The following ROBO2 variants were observed in gnomAD, a reference collection of about 807,000 sequenced individuals.
ROBO2 encodes the protein roundabout homolog 2.
In ROBO2, 53 loss-of-function variants were observed where a neutral mutation model predicts 160.8. The observed-to-expected ratio is 0.33, with a 90% confidence interval of 0.26 to 0.41. ROBO2 has a LOEUF of 0.41. Among genes scored for constraint, ROBO2 ranks in the 10% least tolerant of loss-of-function variants. ROBO2 has a pLI of 1.00. For synonymous variants in ROBO2, 664 were observed against 611.7 expected (o/e 1.09, Z -1.26); for missense variants, 1,577 against 1,722.4 (o/e 0.92, Z 1.49).
At chr3:77,003,189 T>G (rs2061414554) in intron 2 of ROBO2, among the ~76,000 whole-genome samples, 2 of 152,320 alleles carry the variant, frequency 1.3e-5, no homozygotes, top group South Asian at 4.1e-4. Flanking sequence ...ATAACCTTCA[T>G]GAAATAAGAA....
intron 2 of ROBO2, among the ~76,000 whole-genome samples, chr3:76,002,123 G>A (rs1381388498): frequency 1.3e-5 from 2 of 152,178 alleles, no homozygotes; most frequent in Admixed American, 6.5e-5. Context: ...AATTCCAGTA[G>A]CTGTGAATGT....
chr3:76,179,753 G>T (rs1701412106), intron 2 of ROBO2, among the ~76,000 whole-genome samples: 1 of 152,118 alleles, frequency 6.6e-6, no homozygotes, highest in Non-Finnish European at 1.5e-5. Context: ...CTTTCTCAGA[G>T]ATGTAATGCC....
chr3:76,304,728 C>G (rs1000470665), intron 2 of ROBO2, among the ~76,000 whole-genome samples: 4 of 86,642 alleles, frequency 4.6e-5, no homozygotes, highest in African/African-American at 1.5e-4. Context: ...TTCTTTCTTT[C>G]TTTCTTTTCT....
chr3:77,556,077 GA>G (rs1040566473), intron 8 of ROBO2, among the ~76,000 whole-genome samples: 8 of 36,908 alleles, frequency 2.2e-4, no homozygotes, highest in African/African-American at 4.4e-4. Flanking sequence ...ATTTAATTTG[GA>G]AAAAAAATCG....
At chr3:77,254,954 G>T (rs560353555) in intron 2 of ROBO2, among the ~76,000 whole-genome samples, 2 of 152,222 alleles carry the variant, frequency 1.3e-5, no homozygotes, top group Non-Finnish European at 2.9e-5. Context: ...ATAGGGGCAG[G>T]TTCCTCTATC....
intron 2 of ROBO2, among the ~76,000 whole-genome samples, chr3:77,447,051 G>A (rs1047236733): frequency 6.6e-6 from 1 of 152,058 alleles, no homozygotes; most frequent in African/African-American, 2.4e-5. Context: ...ATAGCCAGAA[G>A]TTTTCTCAAG....
intron 2 of ROBO2, among the ~76,000 whole-genome samples, chr3:76,970,363 A>G (rs1307294368): frequency 6.6e-6 from 1 of 152,196 alleles, no homozygotes; most frequent in East Asian, 1.9e-4. Context: ...TAAAGAAAGA[A>G]AATTACCAGG....
At chr3:77,607,771 T>G (rs767417894) in intron 20 of ROBO2, 27 bp from the exon 22 acceptor site, 12 of 1,607,154 alleles carry the variant, frequency 7.5e-6, no homozygotes, top group Non-Finnish European at 9.4e-6. Flanking sequence ...ATTTGGCATC[T>G]CTGAATAAAT....
intron 2 of ROBO2, among the ~76,000 whole-genome samples, chr3:76,568,334 G>C (rs75893685): frequency 1.3e-5 from 2 of 152,070 alleles, no homozygotes; most frequent in East Asian, 3.9e-4. Flanking sequence ...GTCTCGCTCT[G>C]TCACCCAGGC....
At chr3:77,419,214 C>A (rs914063921) in intron 2 of ROBO2, among the ~76,000 whole-genome samples, 1 of 152,040 alleles carries the variant, frequency 6.6e-6, no homozygotes, top group Non-Finnish European at 1.5e-5. Flanking sequence ...AACGTTAAAT[C>A]ATACTTTGTC....
chr3:77,435,440 T>C (rs2079181405), intron 2 of ROBO2, among the ~76,000 whole-genome samples: 1 of 152,036 alleles, frequency 6.6e-6, no homozygotes, highest in Non-Finnish European at 1.5e-5. Flanking sequence ...AGCATTGTTT[T>C]AAAAAATTTA....
At chr3:76,089,895 G>A (rs145804955) in intron 2 of ROBO2, among the ~76,000 whole-genome samples, 87 of 152,184 alleles carry the variant, frequency 5.7e-4, no homozygotes, top group African/African-American at 2.0e-3. Context: ...TTCCTTGTTT[G>A]CAGATGACAT....
intron 2 of ROBO2, among the ~76,000 whole-genome samples, chr3:76,059,712 T>A (rs1417121982): frequency 6.6e-6 from 1 of 152,312 alleles, no homozygotes; most frequent in Non-Finnish European, 1.5e-5. Context: ...GTTTTAGACA[T>A]GAAGTCCTTG....
intron 2 of ROBO2, among the ~76,000 whole-genome samples, chr3:77,240,880 A>G (rs913985885): frequency 1.3e-5 from 2 of 152,220 alleles, no homozygotes; most frequent in African/African-American, 4.8e-5. Context: ...AAGCAGCCCA[A>G]GTGTCACATG....
chr3:77,460,119 A>G (rs2082095549), intron 2 of ROBO2, among the ~76,000 whole-genome samples: 1 of 152,116 alleles, frequency 6.6e-6, no homozygotes. Flanking sequence ...GGTGACTCAG[A>G]CAAAATGACA....
intron 2 of ROBO2, among the ~76,000 whole-genome samples, chr3:76,449,525 G>T (rs1385791649): frequency 6.6e-6 from 1 of 152,072 alleles, no homozygotes; most frequent in Non-Finnish European, 1.5e-5. Flanking sequence ...TTCTTAACCG[G>T]ACTCGATTTA....
chr3:76,219,773 T>A, intron 2 of ROBO2, among the ~76,000 whole-genome samples: 1 of 152,198 alleles, frequency 6.6e-6, no homozygotes, highest in East Asian at 1.9e-4. Flanking sequence ...GTGTGGCAAT[T>A]CCTCAGGGAT....
chr3:76,656,404 C>A (rs973592360), intron 2 of ROBO2, among the ~76,000 whole-genome samples: 23 of 152,150 alleles, frequency 1.5e-4, no homozygotes, highest in Non-Finnish European at 3.2e-4. Flanking sequence ...ATAATCATCT[C>A]ATGAAAACAC....
chr3:77,069,219 A>AAG (rs1202291277), intron 1 of ROBO2, among the ~76,000 whole-genome samples: 2 of 152,308 alleles, frequency 1.3e-5, no homozygotes, highest in Admixed American at 6.5e-5. Context: ...GCTAAATTTT[A>AAG]AGAGAGAGAG....
Sources: gnomAD v4.1 joint callset for allele counts (sites outside exome capture counted in the v4.1 genomes callset) on GRCh38, gnomAD v4.1.1 for gene constraint, MANE v1.5 for transcripts, NCBI Gene and HGNC (gene_info 2026-07-23, HGNC 2026-07-21) for gene names.